NYAP2: variants seen among roughly 807,000 people sequenced by gnomAD.
NYAP2 encodes the protein neuronal tyrosine-phosphorylated phosphoinositide-3-kinase adapter 2.
In NYAP2, 23 loss-of-function variants were observed where a neutral mutation model predicts 50.4. That is an observed-to-expected ratio of 0.46 (90% confidence interval 0.33 to 0.65). The LOEUF (loss-of-function observed/expected upper bound fraction) is 0.65. NYAP2 is among the 30% of genes least tolerant of loss of function. The pLI is 0.02. For missense variants in NYAP2, 885 were observed against 861.0 expected, an observed-to-expected ratio of 1.03 and a Z score of -0.35; for synonymous variants, 394 against 365.2, an observed-to-expected ratio of 1.08 and a Z score of -0.90.
chr2:225,561,604 A>G (rs1193045883), intron 4 of NYAP2, among the ~76,000 whole-genome samples: 1 of 152,042 alleles, frequency 6.6e-6, no homozygotes. Context: ...GCTGGCATGG[A>G]GTAAGCATTC....
chr2:225,505,020 AATCATC>A (rs1179149804), intron 3 of NYAP2, among the ~76,000 whole-genome samples: 1 of 151,890 alleles, frequency 6.6e-6, no homozygotes, highest in African/African-American at 2.4e-5. Context: ...AAAAAAAAAA[AATCATC>A]ATCATCATCA....
At chr2:225,686,077 T>G in the NYAP2 span, among the ~76,000 whole-genome samples, 1 of 152,152 alleles carries the variant, frequency 6.6e-6, no homozygotes. Context: ...AGAAATACCA[T>G]GTCACTCACA....
At chr2:225,482,646 A>T (rs1690225933) in intron 3 of NYAP2, among the ~76,000 whole-genome samples, 1 of 151,958 alleles carries the variant, frequency 6.6e-6, no homozygotes, top group Non-Finnish European at 1.5e-5. Context: ...AACCTTCCAA[A>T]ATGTTACTTG....
chr2:225,668,209 CTTT>C, the NYAP2 span, among the ~76,000 whole-genome samples: 2 of 152,110 alleles, frequency 1.3e-5, no homozygotes, highest in African/African-American at 4.8e-5. Flanking sequence ...AACGATTTTG[CTTT>C]TTTTCCAGAA....
At chr2:225,655,840 ATT>A (rs1277948963), downstream of NYAP2, among the ~76,000 whole-genome samples, 4 of 143,280 alleles carry the variant, frequency 2.8e-5, no homozygotes, top group Admixed American at 2.8e-4. Context: ...ACATGTTTGA[ATT>A]TGTTTTTCTA....
intron 3 of NYAP2, among the ~76,000 whole-genome samples, chr2:225,488,794 G>T (rs774319626): frequency 2.6e-4 from 40 of 152,324 alleles, no homozygotes; most frequent in East Asian, 3.9e-4. Flanking sequence ...TTTTGGGACA[G>T]ACTTTAGACA....
intron 3 of NYAP2, among the ~76,000 whole-genome samples, chr2:225,426,093 C>G (rs1004974971): frequency 1.3e-5 from 2 of 151,216 alleles, no homozygotes; most frequent in African/African-American, 4.9e-5. Context: ...TTATAACATC[C>G]CCTAGAAAAT....
intron 4 of NYAP2, among the ~76,000 whole-genome samples, chr2:225,566,700 A>T (rs1301876234): frequency 1.3e-5 from 2 of 152,210 alleles, no homozygotes; most frequent in Non-Finnish European, 2.9e-5. Context: ...TGAACTTGTA[A>T]AGAAAACTTG....
exon 7 of NYAP2, chr2:225,652,734 G>A (rs1693756858): frequency 6.6e-6 from 1 of 152,102 alleles, no homozygotes; most frequent in South Asian, 2.1e-4. Flanking sequence ...GCCCATTACT[G>A]ATGAGAAAAT....
chr2:225,585,882 A>G (rs1261599867), intron 5 of NYAP2, among the ~76,000 whole-genome samples: 1 of 152,216 alleles, frequency 6.6e-6, no homozygotes, highest in Non-Finnish European at 1.5e-5. Flanking sequence ...ACACTCATGG[A>G]TACAATTCTC....
At chr2:225,510,992 G>T (rs866312368) in intron 3 of NYAP2, among the ~76,000 whole-genome samples, 1 of 152,156 alleles carries the variant, frequency 6.6e-6, no homozygotes, top group South Asian at 2.1e-4. Context: ...ATGCCCATGT[G>T]CATTAACACA....
chr2:225,692,210 A>C, the NYAP2 span, among the ~76,000 whole-genome samples: 1 of 152,042 alleles, frequency 6.6e-6, no homozygotes, highest in African/African-American at 2.4e-5. Context: ...TGCTTGTATC[A>C]GTTTTATTTT....
chr2:225,645,464 CCTCT>C (rs1219072239), intron 6 of NYAP2, among the ~76,000 whole-genome samples: 1 of 151,924 alleles, frequency 6.6e-6, no homozygotes, highest in East Asian at 1.9e-4. Flanking sequence ...CCTTTTCCTT[CCTCT>C]CTGTTTCCCT....
At chr2:225,434,173 C>G (rs1689330524) in intron 3 of NYAP2, among the ~76,000 whole-genome samples, 2 of 152,104 alleles carry the variant, frequency 1.3e-5, no homozygotes, top group South Asian at 4.1e-4. Flanking sequence ...AAAGACAGAC[C>G]AGTACTCTGG....
intron 3 of NYAP2, among the ~76,000 whole-genome samples, chr2:225,512,795 C>T (rs1574652005): frequency 8.9e-6 from 1 of 112,032 alleles, no homozygotes; most frequent in African/African-American, 5.3e-5. Context: ...TCTTTCCCTC[C>T]CTCCCTCTCT....
chr2:225,521,258 C>G (rs896507612), intron 4 of NYAP2, among the ~76,000 whole-genome samples: 1 of 151,844 alleles, frequency 6.6e-6, no homozygotes, highest in South Asian at 2.1e-4. Flanking sequence ...AATTGAATAC[C>G]CTTTATTTCC....
At chr2:225,692,542 C>A in the NYAP2 span, among the ~76,000 whole-genome samples, 1 of 152,058 alleles carries the variant, frequency 6.6e-6, no homozygotes, top group Non-Finnish European at 1.5e-5. Context: ...CTGCCTCCTA[C>A]AACCACATAA....
chr2:225,490,768 T>C (rs1559194280), intron 3 of NYAP2, among the ~76,000 whole-genome samples: 1 of 152,200 alleles, frequency 6.6e-6, no homozygotes, highest in Non-Finnish European at 1.5e-5. Context: ...TGTGCCTTTG[T>C]CTTTTCTCCA....
intron 3 of NYAP2, among the ~76,000 whole-genome samples, chr2:225,474,649 C>T (rs1016233652): frequency 5.9e-5 from 9 of 152,236 alleles, no homozygotes; most frequent in Admixed American, 5.9e-4. Flanking sequence ...GTGATTTTTG[C>T]ACATTGATTT....
Sources: gnomAD v4.1 joint callset for allele counts (sites outside exome capture counted in the v4.1 genomes callset) on GRCh38, gnomAD v4.1.1 for gene constraint, MANE v1.5 for transcripts, NCBI Gene and HGNC (gene_info 2026-07-23, HGNC 2026-07-21) for gene names.